HDAC9: variants seen among roughly 807,000 people sequenced by gnomAD.
HDAC9 encodes histone deacetylase 9, also known as MEF-2 interacting transcription repressor (MITR) protein.
HDAC9 carries 41 observed loss-of-function variants against 139.4 expected under a neutral mutation model. The ratio of observed to expected loss-of-function variants is 0.29; its 90% CI spans 0.23 to 0.38. The LOEUF is 0.38. Ranked by LOEUF, HDAC9 falls within the 10% of genes least tolerant of loss-of-function variation. The probability of loss-of-function intolerance (pLI) is 1.00; values close to 1 mark genes in which losing one functional copy is unlikely to be tolerated. For missense variants in HDAC9, 1,147 were observed against 1,297.0 expected (o/e 0.88, Z 1.78); for synonymous variants, 517 against 476.2 (o/e 1.09, Z -1.12).
intron 1 of HDAC9, among the ~76,000 whole-genome samples, chr7:18,392,563 T>C (rs1394814172): frequency 6.6e-6 from 1 of 151,734 alleles, no homozygotes; most frequent in Non-Finnish European, 1.5e-5. Flanking sequence ...AATCCTGTTC[T>C]CACTCTGGCA....
rs758381100 is a variant in HDAC9 at position 18,998,094 on chromosome 7, G to C, written c.*2032G>C. ...GATATTTACTTAAAAAAATAGTAGA[G>C]CCAAAGGCTTAACAAAAGACTCTCC... On this transcript the variant is annotated 3_prime_UTR_variant, in exon 26 of 26. Coordinates refer to ENST00000686413, the MANE Select transcript of HDAC9 (RefSeq NM_178425.4). The C allele has an allele frequency of 1.3e-5, 2 of 151,992 alleles. No homozygotes were observed. The highest frequency in any genetic ancestry group is 2.9e-5 in the Non-Finnish European group (2 of 67,980). 9.4% of individuals were successfully genotyped at this position (151,992 alleles called of 1,614,324 possible).
chr7:18,168,876 CTTGTTT>C lies in HDAC9; in HGVS notation c.25+6530_25+6535del, dbSNP rs1455778382. Among the ~76,000 whole-genome samples the C allele has an allele frequency of 2.6e-4, 18 of 68,398 alleles. 1 individual carries two copies. Among genetic ancestry groups the C allele is most frequent in the African/African-American group, 1.1e-3 (17 of 15,666 alleles). The allele number at this position is 68,398 out of a possible 152,430, so 44.9% of individuals were successfully genotyped here. ...ACAAGTTCTGAGGAGGTGCAAATGT[CTTGTTT>C]TTTTTTTTTTTTTTTTGTGTGTGTG... On this transcript the variant is annotated intron_variant, in intron 2 of 12. Transcript: ENST00000417496.
chr7:18,592,935 A>G lies in HDAC9; in HGVS notation c.543-973A>G, dbSNP rs112431164. ...AAATGAGAAACAGCTACATGCAAAG[A>G]ATTTGTCGGTTAAAGTTCATTAGCT... On this transcript the variant is annotated intron_variant, in intron 5 of 25. Transcript: ENST00000686413. 3.3e-3 allele frequency among the ~76,000 whole-genome samples: 503 copies of G among 152,254 alleles called. 3 individuals carry two copies. Among genetic ancestry groups the G allele is most frequent in the African/African-American group, 0.011 (474 of 41,556 alleles).
chr7:18,947,103 A>G (rs1782458427), intron 23 of HDAC9, among the ~76,000 whole-genome samples: 1 of 152,080 alleles, frequency 6.6e-6, no homozygotes, highest in African/African-American at 2.4e-5. Flanking sequence ...ATAACATGTG[A>G]AAACTTGTGT....
intron 1 of HDAC9, among the ~76,000 whole-genome samples, chr7:18,126,946 C>T (rs1162242084): frequency 6.6e-6 from 1 of 152,166 alleles, no homozygotes; most frequent in Non-Finnish European, 1.5e-5. Flanking sequence ...TCCAAGTTAG[C>T]TCCAGACAAA....
chr7:18,619,773 T>A (rs1839709617), intron 6 of HDAC9, among the ~76,000 whole-genome samples: 1 of 152,180 alleles, frequency 6.6e-6, no homozygotes, highest in Non-Finnish European at 1.5e-5. Context: ...TATTTAGTAT[T>A]CCTTCCCTCA....
intron 8 of HDAC9, among the ~76,000 whole-genome samples, chr7:18,643,876 G>T (rs1348096982): frequency 6.6e-6 from 1 of 151,930 alleles, no homozygotes; most frequent in Non-Finnish European, 1.5e-5. Context: ...AGTCTAATAA[G>T]ACCTTTGTAA....
intron 2 of HDAC9, among the ~76,000 whole-genome samples, chr7:18,505,117 C>A (rs1799400628): frequency 6.6e-6 from 1 of 152,146 alleles, no homozygotes; most frequent in South Asian, 2.1e-4. Flanking sequence ...CTTAAGGAAA[C>A]CAAGCTTCTA....
chr7:18,636,454 C>T (rs140800070), intron 8 of HDAC9, among the ~76,000 whole-genome samples: 355 of 152,100 alleles, frequency 2.3e-3, no homozygotes, highest in Non-Finnish European at 4.1e-3. Context: ...GTAGTTCCCA[C>T]GTTAGGAGTC....
chr7:18,710,957 C>G, intron 12 of HDAC9, among the ~76,000 whole-genome samples: 1 of 152,142 alleles, frequency 6.6e-6, no homozygotes, highest in African/African-American at 2.4e-5. Flanking sequence ...TTCAAATTTG[C>G]ATACAAATAG....
intron 2 of HDAC9, among the ~76,000 whole-genome samples, chr7:18,221,125 G>A (rs569003341): frequency 1.3e-4 from 17 of 128,750 alleles, no homozygotes; most frequent in Non-Finnish European, 2.2e-4. Context: ...TTTTTGTGAC[G>A]GAGTTTCACT....
At chr7:18,961,470 G>A (rs1281668620) in intron 24 of HDAC9, among the ~76,000 whole-genome samples, 4 of 152,124 alleles carry the variant, frequency 2.6e-5, no homozygotes, top group African/African-American at 4.8e-5. Context: ...GATTTGAAAG[G>A]AAGTGAAAAA....
At chr7:18,183,032 C>G (rs1248024764) in intron 2 of HDAC9, among the ~76,000 whole-genome samples, 1 of 146,692 alleles carries the variant, frequency 6.8e-6, no homozygotes, top group Non-Finnish European at 1.5e-5. Context: ...TTTTTTGAGA[C>G]GGAGTCTCAC....
chr7:18,786,149 A>G (rs1791695288), intron 16 of HDAC9, among the ~76,000 whole-genome samples: 1 of 152,122 alleles, frequency 6.6e-6, no homozygotes, highest in Non-Finnish European at 1.5e-5. Context: ...TCTGCTATTC[A>G]TGTTCCCTAA....
At chr7:18,369,459 C>T (rs1011208473) in intron 1 of HDAC9, among the ~76,000 whole-genome samples, 1 of 151,822 alleles carries the variant, frequency 6.6e-6, no homozygotes, top group Non-Finnish European at 1.5e-5. Context: ...TGTTTCTTTA[C>T]CTTTTCTTTT....
At chr7:18,910,768 C>G (rs941425453) in intron 22 of HDAC9, among the ~76,000 whole-genome samples, 2 of 151,836 alleles carry the variant, frequency 1.3e-5, no homozygotes, top group African/African-American at 4.8e-5. Flanking sequence ...ATTGTTTTGT[C>G]TAAGTTGAAC....
At chr7:18,146,352 C>G (rs1392423836) in intron 1 of HDAC9, among the ~76,000 whole-genome samples, 1 of 152,098 alleles carries the variant, frequency 6.6e-6, no homozygotes, top group Non-Finnish European at 1.5e-5. Context: ...TATGGCAACT[C>G]TTCATTTTCA....
upstream of HDAC9, among the ~76,000 whole-genome samples, chr7:18,286,242 A>G (rs302163): frequency 0.11 from 16,293 of 151,948 alleles, 1,914 homozygotes; most frequent in African/African-American, 0.3. Flanking sequence ...ATGCTTCCTA[A>G]GAAAAAAAGA....
chr7:18,304,847 C>T (rs928076895), intron 1 of HDAC9, among the ~76,000 whole-genome samples: 2 of 152,124 alleles, frequency 1.3e-5, no homozygotes, highest in Non-Finnish European at 2.9e-5. Context: ...ATAGAACCCT[C>T]AGTGGAAAAT....
Sources: allele counts gnomAD v4.1 joint callset (sites outside exome capture counted in the v4.1 genomes callset), GRCh38; gene constraint gnomAD v4.1.1; transcripts MANE v1.5; gene names NCBI Gene and HGNC (gene_info 2026-07-23, HGNC 2026-07-21).